FRMD4A: variants seen among roughly 807,000 people sequenced by gnomAD.
The protein encoded by FRMD4A is FERM domain containing 4A.
Under a neutral mutation model 129.1 loss-of-function variants are expected in FRMD4A, and 29 were observed. That is an observed-to-expected ratio of 0.22 (90% confidence interval 0.17 to 0.31). FRMD4A has a LOEUF of 0.31. FRMD4A is among the 10% of genes least tolerant of loss of function. FRMD4A has a pLI of 1.00. For synonymous variants in FRMD4A, 634 were observed against 571.6 expected (o/e 1.11, Z -1.56); for missense variants, 1,272 against 1,375.8 (o/e 0.92, Z 1.19).
intron 13 of FRMD4A, among the ~76,000 whole-genome samples, chr10:13,702,714 C>T (rs2086962900): frequency 6.6e-6 from 1 of 151,984 alleles, no homozygotes; most frequent in Admixed American, 6.6e-5. Context: ...CAAACAATAA[C>T]ATTTTTTTTC....
chr10:13,798,019 C>T (rs1422545586), intron 4 of FRMD4A, among the ~76,000 whole-genome samples: 2 of 152,088 alleles, frequency 1.3e-5, no homozygotes, highest in African/African-American at 2.4e-5. Context: ...GAACTTTGGC[C>T]TGTTTTTCCT....
At chr10:14,208,127 T>G (rs185104986) in intron 2 of FRMD4A, among the ~76,000 whole-genome samples, 3 of 152,252 alleles carry the variant, frequency 2.0e-5, no homozygotes, top group Non-Finnish European at 2.9e-5. Context: ...GCCCAGTAGA[T>G]GGAGGTTGTA....
At position 14,286,278 on chromosome 10, in the gene FRMD4A, CT is replaced by C. The variant is rs375587838; in HGVS notation, c.45+43779del. 5.1e-4 allele frequency among the ~76,000 whole-genome samples: 77 copies of C among 152,266 alleles called. 2 individuals carry two copies. In the East Asian group the frequency reaches 0.012, roughly 23 times the overall value. On this transcript the variant is annotated intron_variant, in intron 2 of 24. Coordinates refer to ENST00000357447, the MANE Select transcript of FRMD4A (RefSeq NM_018027.5). ...AAAAGAGAAAGAAAGGATATGGTAG[CT>C]TTTGATTCTATTCTTGCTCAACTAT...
intron 2 of FRMD4A, among the ~76,000 whole-genome samples, chr10:13,876,589 T>C (rs2094491029): frequency 6.6e-6 from 1 of 152,202 alleles, no homozygotes; most frequent in African/African-American, 2.4e-5. Flanking sequence ...TTTGTTTCAG[T>C]GTCCAGTTTA....
intron 2 of FRMD4A, among the ~76,000 whole-genome samples, chr10:14,201,410 G>A (rs992681084): frequency 6.6e-6 from 1 of 152,212 alleles, no homozygotes. Flanking sequence ...TGCCTGAGAA[G>A]TGGATTCTCT....
intron 3 of FRMD4A, among the ~76,000 whole-genome samples, chr10:13,824,864 C>T (rs1195942587): frequency 7.3e-6 from 1 of 136,696 alleles, no homozygotes; most frequent in Non-Finnish European, 1.5e-5. Flanking sequence ...CATTGCACTC[C>T]AGCCTAGGTG....
chr10:13,884,295 T>G (rs1245646536), intron 2 of FRMD4A, among the ~76,000 whole-genome samples: 1 of 151,832 alleles, frequency 6.6e-6, no homozygotes, highest in African/African-American at 2.4e-5. Context: ...TGCCATTAAC[T>G]TGTTGCATTA....
intron 2 of FRMD4A, among the ~76,000 whole-genome samples, chr10:14,164,479 G>A (rs868716658): frequency 1.3e-5 from 2 of 152,206 alleles, no homozygotes; most frequent in East Asian, 1.9e-4. Context: ...CTCAGGATTC[G>A]CATGGTTAAA....
intron 2 of FRMD4A, among the ~76,000 whole-genome samples, chr10:14,281,981 C>T (rs774062885): frequency 4.6e-5 from 7 of 152,162 alleles, no homozygotes; most frequent in Non-Finnish European, 7.4e-5. Flanking sequence ...AATGGACTCA[C>T]AGTTACACGT....
chr10:14,156,873 G>A (rs572079163), intron 2 of FRMD4A, among the ~76,000 whole-genome samples: 1 of 152,254 alleles, frequency 6.6e-6, no homozygotes, highest in South Asian at 2.1e-4. Context: ...TCCTTTGTTA[G>A]TCTATCAAGA....
chr10:14,033,042 C>T (rs536556360), intron 2 of FRMD4A, among the ~76,000 whole-genome samples: 1 of 152,322 alleles, frequency 6.6e-6, no homozygotes, highest in East Asian at 1.9e-4. Context: ...CGCGGTGGCT[C>T]ACGCCTATAA....
At chr10:13,781,552 A>G (rs2092736079) in intron 6 of FRMD4A, among the ~76,000 whole-genome samples, 1 of 151,594 alleles carries the variant, frequency 6.6e-6, no homozygotes, top group Non-Finnish European at 1.5e-5. Flanking sequence ...TAATTTTTGT[A>G]TTTTTAATAG....
intron 3 of FRMD4A, among the ~76,000 whole-genome samples, chr10:13,849,797 G>C (rs992937647): frequency 6.6e-6 from 1 of 151,696 alleles, no homozygotes; most frequent in African/African-American, 2.4e-5. Context: ...CATTTTTGCA[G>C]AATATCATTA....
At chr10:13,977,197 C>A (rs1599413) in intron 2 of FRMD4A, among the ~76,000 whole-genome samples, 51,355 of 152,060 alleles carry the variant, frequency 0.34, 9,055 homozygotes, top group East Asian at 0.6. Flanking sequence ...AAGCAGATTT[C>A]TTTTGTGCTT....
intron 12 of FRMD4A, among the ~76,000 whole-genome samples, chr10:13,709,713 G>T (rs1358421044): frequency 6.6e-6 from 1 of 152,212 alleles, no homozygotes; most frequent in South Asian, 2.1e-4. Context: ...CTCAGGCAAA[G>T]TGAAGTCTTG....
intron 2 of FRMD4A, among the ~76,000 whole-genome samples, chr10:13,914,656 G>T (rs954119221): frequency 6.6e-6 from 1 of 152,076 alleles, no homozygotes; most frequent in African/African-American, 2.4e-5. Context: ...GTGGAATGAA[G>T]ATTTAAACAG....
intron 2 of FRMD4A, among the ~76,000 whole-genome samples, chr10:13,990,824 C>T (rs2131425546): frequency 6.6e-6 from 1 of 152,316 alleles, no homozygotes; most frequent in East Asian, 1.9e-4. Context: ...CCCTGGAAGC[C>T]TCACTGTCTC....
rs530553227 is a variant in FRMD4A at position 13,650,409 on chromosome 10, T to C, written c.*2+1494A>G. 2.9e-3 allele frequency among the ~76,000 whole-genome samples: 437 copies of C among 150,464 alleles called. 1 individual carries two copies. Among genetic ancestry groups the C allele is most frequent in the South Asian group, 0.016 (78 of 4,820 alleles). ...GTCCCTGCATGTGCACATGTATGCA[T>C]GAGCATGAACTCGTGTATGTATTCG... On this transcript the variant is annotated intron_variant, in intron 24 of 24. Transcript: ENST00000357447.
chr10:13,674,410 A>G (rs77493317), intron 16 of FRMD4A, among the ~76,000 whole-genome samples: 1,904 of 152,288 alleles, frequency 0.013, 47 homozygotes, highest in African/African-American at 0.043. Flanking sequence ...TTGGACTCCC[A>G]TGGGGTCCTC....
Sources: gnomAD v4.1 joint callset for allele counts (sites outside exome capture counted in the v4.1 genomes callset) on GRCh38, gnomAD v4.1.1 for gene constraint, MANE v1.5 for transcripts, NCBI Gene and HGNC (gene_info 2026-07-23, HGNC 2026-07-21) for gene names.